The following RFX3 variants were observed in gnomAD, a reference collection of about 807,000 sequenced individuals.
RFX3 encodes the protein transcription factor RFX3.
Under a neutral mutation model 98.6 loss-of-function variants are expected in RFX3, and 14 were observed. The observed-to-expected ratio is 0.14, with a 90% confidence interval of 0.09 to 0.22. The LOEUF (loss-of-function observed/expected upper bound fraction) is 0.22, where lower values mean the gene tolerates loss of function less well. Among genes scored for constraint, RFX3 ranks in the 10% least tolerant of loss-of-function variants. The pLI, the probability that RFX3 is intolerant of heterozygous loss-of-function variation, is 1.00. For synonymous variants in RFX3, 383 were observed against 328.4 expected (o/e 1.17, Z -1.80); for missense variants, 639 against 926.9 (o/e 0.69, Z 4.03).
intron 4 of RFX3, among the ~76,000 whole-genome samples, chr9:3,310,674 C>G (rs1586983140): frequency 6.6e-6 from 1 of 152,156 alleles, no homozygotes; most frequent in South Asian, 2.1e-4. Context: ...TCCTTTTTAA[C>G]AGATTAGAAA....
intron 6 of RFX3, among the ~76,000 whole-genome samples, chr9:3,291,822 G>T (rs1225982307): frequency 6.6e-6 from 1 of 151,532 alleles, no homozygotes; most frequent in East Asian, 1.9e-4. Flanking sequence ...CTTCACTTTG[G>T]GAGGCCGAGG....
intron 1 of RFX3, among the ~76,000 whole-genome samples, chr9:3,441,151 A>C (rs1845573248): frequency 6.6e-6 from 1 of 152,226 alleles, no homozygotes; most frequent in Admixed American, 6.5e-5. Flanking sequence ...ACAACCAAGT[A>C]AATGGATGAT....
chr9:3,451,525 CAGAG>C (rs899650259), intron 1 of RFX3, among the ~76,000 whole-genome samples: 4 of 152,062 alleles, frequency 2.6e-5, no homozygotes, highest in East Asian at 3.9e-4. Context: ...GCCTGGGCAA[CAGAG>C]AGAGTCTCAA....
intron 1 of RFX3, among the ~76,000 whole-genome samples, chr9:3,436,237 C>G (rs905868749): frequency 6.6e-6 from 1 of 151,964 alleles, no homozygotes; most frequent in South Asian, 2.1e-4. Flanking sequence ...GAAGTTATCC[C>G]AATATCCTTC....
At chr9:3,488,999 A>T (rs1367118120) in intron 1 of RFX3, 2 of 519,462 alleles carry the variant, frequency 3.9e-6, no homozygotes, top group Non-Finnish European at 4.9e-6. Flanking sequence ...AAACAACATG[A>T]ACACAATTTT....
rs553263302 is a variant in RFX3, at chr9:3,327,827, T to C, written c.474+2432A>G. Among the ~76,000 whole-genome samples, 3 of 152,098 alleles carry C rather than the reference T, an allele frequency of 2.0e-5. No individual in the cohort carries two copies. In the East Asian group the frequency reaches 5.8e-4, roughly 29 times the overall value. ...TCACACATCAAATTTGTATAATGGA[T>C]AACTTAAGGAATAATGCCACCTTTC... On this transcript the variant is annotated intron_variant, in intron 4 of 16. Coordinates refer to ENST00000617270, the MANE Select transcript of RFX3 (RefSeq NM_001282116.2).
intron 15 of RFX3, chr9:3,247,284 A>G: frequency 7.1e-6 from 7 of 987,524 alleles, no homozygotes; most frequent in Non-Finnish European, 8.4e-6. Flanking sequence ...CTTTTTGATA[A>G]GCCATTTTGA....
rs1828498925 is a variant in RFX3 at position 3,300,343 on chromosome 9, G to A, written c.549+1203C>T. On this transcript the variant is annotated intron_variant, in intron 5 of 16. Coordinates refer to ENST00000617270, the MANE Select transcript of RFX3 (RefSeq NM_001282116.2). Reference sequence around the variant, plus strand: ...CACCAAATTTATAGGCATTCTCCAAGTTGGCTAACCTGGTTTTGTTTTCCA... The same window carrying A: ...CACCAAATTTATAGGCATTCTCCAAATTGGCTAACCTGGTTTTGTTTTCCA... Among the ~76,000 whole-genome samples the A allele has an allele frequency of 2.0e-5, 3 of 151,632 alleles. No individual in the cohort carries two copies. The South Asian group carries it at 6.2e-4, about 31-fold the overall frequency.
chr9:3,255,502 C>T (rs956989598), intron 14 of RFX3, among the ~76,000 whole-genome samples: 1 of 152,232 alleles, frequency 6.6e-6, no homozygotes, highest in Non-Finnish European at 1.5e-5. Flanking sequence ...ACAGTAGAGA[C>T]TGCCTATACT....
intron 2 of RFX3, among the ~76,000 whole-genome samples, chr9:3,351,061 C>A (rs1835051094): frequency 6.6e-6 from 1 of 150,998 alleles, no homozygotes; most frequent in Admixed American, 6.6e-5. Flanking sequence ...ATGCACAACA[C>A]CGAGAATGAA....
chr9:3,273,781 C>T (rs672271), intron 9 of RFX3, among the ~76,000 whole-genome samples: 124,859 of 150,872 alleles, frequency 0.83, 52,696 homozygotes, highest in South Asian at 0.92. Context: ...AGGAGAATCG[C>T]TTGAACCCAG....
intron 1 of RFX3, among the ~76,000 whole-genome samples, chr9:3,511,188 T>G (rs1001665516): frequency 2.6e-5 from 4 of 152,054 alleles, no homozygotes; most frequent in African/African-American, 9.7e-5. Context: ...CTTCATATCT[T>G]AATCATTTAA....
intron 1 of RFX3, among the ~76,000 whole-genome samples, chr9:3,416,737 T>C (rs1421244772): frequency 1.3e-5 from 2 of 151,984 alleles, no homozygotes; most frequent in Admixed American, 6.6e-5. Context: ...CATAAAGAAG[T>C]AGAGCAATAA....
intron 2 of RFX3, among the ~76,000 whole-genome samples, chr9:3,355,130 A>G (rs1835598562): frequency 6.6e-6 from 1 of 151,896 alleles, no homozygotes; most frequent in Admixed American, 6.6e-5. Flanking sequence ...GAAAACACTG[A>G]ATAAATCTAA....
intron 15 of RFX3, among the ~76,000 whole-genome samples, chr9:3,244,155 A>C (rs1820325817): frequency 6.6e-6 from 1 of 151,930 alleles, no homozygotes; most frequent in South Asian, 2.1e-4. Context: ...GGCACATGCC[A>C]CCACGCCCGC....
intron 1 of RFX3, among the ~76,000 whole-genome samples, chr9:3,434,646 C>G (rs1231231070): frequency 6.6e-6 from 1 of 151,988 alleles, no homozygotes; most frequent in Non-Finnish European, 1.5e-5. Context: ...TAAACGTCAC[C>G]TCTTTAGAAA....
intron 4 of RFX3, among the ~76,000 whole-genome samples, chr9:3,318,206 G>C (rs985020029): frequency 1.3e-5 from 2 of 152,162 alleles, no homozygotes; most frequent in African/African-American, 4.8e-5. Flanking sequence ...AAAAGGATGA[G>C]TTCATGTCCT....
At chr9:3,399,728 G>C (rs1423831391) in intron 1 of RFX3, among the ~76,000 whole-genome samples, 1 of 152,024 alleles carries the variant, frequency 6.6e-6, no homozygotes, top group Non-Finnish European at 1.5e-5. Context: ...AAGTGGGGCA[G>C]ATCTCGAGGT....
At chr9:3,354,319 G>T (rs1200432795) in intron 2 of RFX3, among the ~76,000 whole-genome samples, 6 of 151,826 alleles carry the variant, frequency 4.0e-5, no homozygotes, top group Non-Finnish European at 7.4e-5. Flanking sequence ...AAAGTTGCAG[G>T]ATCCACTGAG....
Sources: allele counts gnomAD v4.1 joint callset (sites outside exome capture counted in the v4.1 genomes callset), GRCh38; gene constraint gnomAD v4.1.1; transcripts MANE v1.5; gene names NCBI Gene and HGNC (gene_info 2026-07-23, HGNC 2026-07-21).